Variants in CNTNAP2 observed in about 807,000 individuals in gnomAD.
The protein encoded by CNTNAP2 is contactin-associated protein-like 2.
Under a neutral mutation model 155.2 loss-of-function variants are expected in CNTNAP2, and 98 were observed. That is an observed-to-expected ratio of 0.63 (90% CI 0.54 to 0.75). The LOEUF is 0.75. Among genes scored for constraint, CNTNAP2 ranks in the 30% least tolerant of loss-of-function variants. The pLI is 0.00. For synonymous variants in CNTNAP2, 651 were observed against 631.2 expected, an observed-to-expected ratio of 1.03 and a Z score of -0.47; for missense variants, 1,727 against 1,688.1, an observed-to-expected ratio of 1.02 and a Z score of -0.40.
At chr7:148,285,000 T>G (rs908526943) in intron 21 of CNTNAP2, among the ~76,000 whole-genome samples, 1 of 152,196 alleles carries the variant, frequency 6.6e-6, no homozygotes, top group Non-Finnish European at 1.5e-5. Context: ...GAAGGAAGAA[T>G]AGAGCAGTTG....
At chr7:146,395,335 A>G (rs1795604116) in intron 1 of CNTNAP2, among the ~76,000 whole-genome samples, 2 of 152,158 alleles carry the variant, frequency 1.3e-5, no homozygotes, top group South Asian at 4.1e-4. Context: ...AGTCTTAACT[A>G]CTTCACCAGA....
chr7:146,152,068 A>C (rs1393858268), intron 1 of CNTNAP2, among the ~76,000 whole-genome samples: 2 of 151,940 alleles, frequency 1.3e-5, no homozygotes, highest in Non-Finnish European at 2.9e-5. Context: ...GTACTTTTAT[A>C]TTTATTGCAG....
rs143903915 is a variant in CNTNAP2 at position 148,102,003 on chromosome 7, G to T, written c.2384-16115G>T. Among the ~76,000 whole-genome samples, 268 of 152,232 alleles carry T rather than the reference G, an allele frequency of 1.8e-3. 2 individuals are homozygous for T. The highest frequency in any genetic ancestry group is 6.2e-3 in the African/African-American group (256 of 41,544). ...TTTCTAACTTTTATTTTAGGTTCAGGGGTACAGGTGCAGGTTTGTTATATA... is the reference window on the plus strand; with the variant it reads ...TTTCTAACTTTTATTTTAGGTTCAGTGGTACAGGTGCAGGTTTGTTATATA... On this transcript the variant is annotated intron_variant, in intron 15 of 23. Coordinates refer to ENST00000361727, the MANE Select transcript of CNTNAP2 (RefSeq NM_014141.6).
intron 3 of CNTNAP2, chr7:146,915,700 T>C (rs919244246): frequency 2.0e-5 from 3 of 152,212 alleles, no homozygotes; most frequent in Non-Finnish European, 2.9e-5. Context: ...TGAATTCATC[T>C]ACCAGTTCTA....
chr7:146,948,245 C>G (rs1181806615), intron 3 of CNTNAP2, among the ~76,000 whole-genome samples: 1 of 151,748 alleles, frequency 6.6e-6, no homozygotes, highest in East Asian at 1.9e-4. Context: ...GTGATATTTT[C>G]TCCTATGACT....
chr7:146,905,841 T>A (rs921509351), intron 3 of CNTNAP2, among the ~76,000 whole-genome samples: 2 of 152,116 alleles, frequency 1.3e-5, no homozygotes, highest in African/African-American at 4.8e-5. Flanking sequence ...GCTCCCAGCG[T>A]GAGCGATGCA....
At chr7:146,363,017 C>T (rs1476989881) in intron 1 of CNTNAP2, among the ~76,000 whole-genome samples, 1 of 151,972 alleles carries the variant, frequency 6.6e-6, no homozygotes, top group Non-Finnish European at 1.5e-5. Flanking sequence ...GATCCGCCTG[C>T]CTCGACCTCC....
At chr7:146,318,224 T>C (rs1800942895) in intron 1 of CNTNAP2, among the ~76,000 whole-genome samples, 1 of 152,126 alleles carries the variant, frequency 6.6e-6, no homozygotes, top group Non-Finnish European at 1.5e-5. Flanking sequence ...ATGAAATATA[T>C]AGCAAAATGG....
chr7:146,792,991 A>T (rs1450663599), intron 2 of CNTNAP2, among the ~76,000 whole-genome samples: 1 of 152,202 alleles, frequency 6.6e-6, no homozygotes, highest in Non-Finnish European at 1.5e-5. Context: ...ATGGAAAAAA[A>T]CTAAAAAGAA....
intron 10 of CNTNAP2, among the ~76,000 whole-genome samples, chr7:147,478,304 C>G (rs775227722): frequency 3.6e-4 from 55 of 152,122 alleles, no homozygotes; most frequent in Admixed American, 2.8e-3. Flanking sequence ...AGGCACCCAC[C>G]ACCACAGCCA....
chr7:146,752,146 T>C (rs1332254411), intron 1 of CNTNAP2, among the ~76,000 whole-genome samples: 1 of 152,140 alleles, frequency 6.6e-6, no homozygotes, highest in East Asian at 1.9e-4. Context: ...TACCCAGTAA[T>C]GGGATTGCTG....
intron 1 of CNTNAP2, among the ~76,000 whole-genome samples, chr7:146,464,668 T>G (rs1423014326): frequency 6.6e-6 from 1 of 152,142 alleles, no homozygotes; most frequent in East Asian, 1.9e-4. Context: ...TTTTTAATAC[T>G]GAACACGTTA....
intron 8 of CNTNAP2, among the ~76,000 whole-genome samples, chr7:147,191,712 G>A (rs1182391854): frequency 6.6e-6 from 1 of 152,044 alleles, no homozygotes; most frequent in African/African-American, 2.4e-5. Flanking sequence ...TCTTGAGTTT[G>A]TTTTCTTTTT....
intron 8 of CNTNAP2, among the ~76,000 whole-genome samples, chr7:147,297,787 A>G (rs1300102789): frequency 6.9e-6 from 1 of 145,106 alleles, no homozygotes; most frequent in Non-Finnish European, 1.5e-5. Flanking sequence ...CAGAGGAACA[A>G]TTGGGGGGTA....
chr7:148,313,749 T>C (rs1357376343), intron 21 of CNTNAP2, among the ~76,000 whole-genome samples: 1 of 152,204 alleles, frequency 6.6e-6, no homozygotes, highest in East Asian at 1.9e-4. Context: ...TTTTGGAGTT[T>C]ATTTAATGTC....
chr7:148,053,377 C>T (rs1411812370), intron 15 of CNTNAP2, among the ~76,000 whole-genome samples: 1 of 152,024 alleles, frequency 6.6e-6, no homozygotes, highest in Non-Finnish European at 1.5e-5. Flanking sequence ...CTTTTTAAAT[C>T]TAGGAAATGT....
At chr7:146,531,018 A>C (rs900833123) in intron 1 of CNTNAP2, among the ~76,000 whole-genome samples, 3 of 152,196 alleles carry the variant, frequency 2.0e-5, no homozygotes, top group Non-Finnish European at 4.4e-5. Flanking sequence ...TGTGGTACAC[A>C]TTTTATACAC....
chr7:148,347,951 T>TC (rs1222406246), intron 21 of CNTNAP2, among the ~76,000 whole-genome samples: 1 of 152,206 alleles, frequency 6.6e-6, no homozygotes. Flanking sequence ...TCCCCAACTT[T>TC]CTTTTTTTTT....
intron 8 of CNTNAP2, among the ~76,000 whole-genome samples, chr7:147,260,652 G>A (rs1343691543): frequency 6.6e-6 from 1 of 152,136 alleles, no homozygotes; most frequent in East Asian, 1.9e-4. Flanking sequence ...TAGGGAATAT[G>A]GAATTCTGTG....
Sources: allele counts gnomAD v4.1 joint callset (sites outside exome capture counted in the v4.1 genomes callset), GRCh38; gene constraint gnomAD v4.1.1; transcripts MANE v1.5; gene names NCBI Gene and HGNC (gene_info 2026-07-23, HGNC 2026-07-21).